The following CD209 variants were observed in gnomAD, a reference collection of about 807,000 sequenced individuals.
CD209 encodes the protein CD209 antigen.
In CD209, 31 loss-of-function variants were observed where a neutral mutation model predicts 44.7. That is an observed-to-expected ratio of 0.69 (90% CI 0.52 to 0.94). The LOEUF (loss-of-function observed/expected upper bound fraction) is 0.94. Among genes scored for constraint, CD209 ranks in the 40% least tolerant of loss-of-function variants. The pLI is 0.00. For synonymous variants in CD209, 173 were observed against 181.3 expected, an observed-to-expected ratio of 0.95 and a Z score of 0.37; for missense variants, 407 against 452.4, an observed-to-expected ratio of 0.90 and a Z score of 0.91.
In CD209 at chr19:7,746,000, C is replaced by T. The variant is rs1398850591; in HGVS notation, c.266G>A (p.Gly89Asp). ...CAGCTTGGATTTCTCTGAGAGCTCA[C>T]CCACTGCAGCTTTAAGCTGGGTCAG... ...QNLTQLKAAV[G>D]ELSEKSKLQE... The change falls in exon 4 of 7, where the codon GGT becomes GAT. Residue 89 changes from glycine to aspartate, a missense_variant. By Grantham distance (94) the Gly-to-Asp change is moderately conservative (BLOSUM62 -1). This residue lies in a region of CD209 where 122 missense variants were observed against 110.3 expected (regional missense o/e 1.11). Transcript: ENST00000315599. 8 of 1,614,270 alleles carry T rather than the reference C, an allele frequency of 5.0e-6. No homozygotes were observed. Among genetic ancestry groups the T allele is most frequent in the Non-Finnish European group, 5.9e-6 (7 of 1,180,054 alleles).
chr19:7,743,368 T>C, intron 6 of CD209, 128 bp from the exon 7 acceptor site: 1 of 801,490 alleles, frequency 1.2e-6, no homozygotes, highest in South Asian at 1.5e-5. Context: ...TCCCTCTGCA[T>C]ACCTGATAAT....
At chr19:7,747,195 TA>T in intron 2 of CD209, 110 bp downstream of exon 2, 1 of 1,116,806 alleles carries the variant, frequency 9.0e-7, no homozygotes, top group Non-Finnish European at 1.3e-6. Flanking sequence ...TCCAGGCCCC[TA>T]GCCCCACATC....
Position 7,740,180 on chromosome 19 carries a change from A to G in CD209, c.*2859T>C, listed in dbSNP as rs1272531862. 3 of 273,048 alleles carry G rather than the reference A, an allele frequency of 1.1e-5. No homozygotes were observed. Among genetic ancestry groups the G allele is most frequent in the Non-Finnish European group, 2.1e-5 (3 of 143,726 alleles). The allele number at this position is 273,048 out of a possible 1,614,324, so 16.9% of individuals were successfully genotyped here. A position where few individuals can be genotyped will look rare whatever the true frequency, so the allele number is the denominator to read the frequency against. ...TCTGACTGGATCACGCCAGGGCTCA[A>G]TCTGATTGGATCAAGGATCATGCCA... On this transcript the variant is annotated 3_prime_UTR_variant, in exon 7 of 7. Transcript: ENST00000315599.
chr19:7,742,160 A>G lies in CD209; in HGVS notation c.*879T>C, dbSNP rs1317248810. ...ATCCCAATAAACCTGTTTTATTCTT[A>G]CAAAAAATAATAGGCCAGGCGCGGT... On this transcript the variant is annotated 3_prime_UTR_variant, in exon 7 of 7. Coordinates refer to ENST00000315599, the MANE Select transcript of CD209 (RefSeq NM_021155.4). 2 of 197,652 alleles carry G rather than the reference A, an allele frequency of 1.0e-5. No homozygotes were observed. The highest frequency in any genetic ancestry group is 5.4e-5 in the Admixed American group (1 of 18,628). The allele number at this position is 197,652 out of a possible 1,614,324, so 12.2% of individuals were successfully genotyped here. A position where few individuals can be genotyped will look rare whatever the true frequency, so the allele number is the denominator to read the frequency against.
chr19:7,745,136 C>T (rs1198567798), intron 4 of CD209, 44 bp from the exon 5 acceptor site: 1 of 1,610,358 alleles, frequency 6.2e-7, no homozygotes, highest in African/African-American at 1.3e-5. Flanking sequence ...ATTAGGTTGT[C>T]CATATTCCTG....
chr19:7,746,242 G>A (rs897647805), intron 3 of CD209, 155 bp from the exon 4 acceptor site: 2 of 1,233,964 alleles, frequency 1.6e-6, no homozygotes, highest in Non-Finnish European at 2.2e-6. Flanking sequence ...AGGCAGCACA[G>A]AAGGCCAAGG....
rs1434561632 is a variant in CD209, at chr19:7,743,070, G to T, written c.1184C>A (p.Ala395Asp). The change falls in exon 7 of 7, where the codon GCC becomes GAC. Residue 395 changes from alanine to aspartate, a missense_variant. Around this residue, in one of 3 missense-constraint regions of CD209, gnomAD observed 200 missense variants for 202.2 expected, o/e 0.99. Coordinates refer to ENST00000315599, the MANE Select transcript of CD209 (RefSeq NM_021155.4). ...SRDEEQFLSPAPATPNPPPA is the reference protein window; with the variant it reads ...SRDEEQFLSPDPATPNPPPA ...AGGAGGGGGGTTTGGGGTGGCAGGGGCTGGAGAAAGAAACTGTTCTTCATC... is the reference window on the plus strand; with the variant it reads ...AGGAGGGGGGTTTGGGGTGGCAGGGTCTGGAGAAAGAAACTGTTCTTCATC... 50 of 1,613,660 alleles carry T rather than the reference G, an allele frequency of 3.1e-5. No homozygotes were observed. The highest frequency in any genetic ancestry group is 3.6e-5 in the Non-Finnish European group (43 of 1,179,806).
intron 6 of CD209, 89 bp from the exon 7 acceptor site, chr19:7,743,329 C>T (rs1255095875): frequency 1.1e-5 from 13 of 1,133,132 alleles, no homozygotes; most frequent in Non-Finnish European, 1.7e-5. Flanking sequence ...GCCTTAACAT[C>T]TGCCCTGCGT....
Position 7,741,155 on chromosome 19 carries a change from A to G in CD209, c.*1884T>C. The G allele has an allele frequency of 9.5e-7, 1 of 1,049,212 alleles. No homozygotes were observed. Among genetic ancestry groups the G allele is most frequent in the Non-Finnish European group, 1.4e-6 (1 of 719,820 alleles). 65.0% of individuals were successfully genotyped at this position (1,049,212 alleles called of 1,614,324 possible). A position where few individuals can be genotyped will look rare whatever the true frequency, so the allele number is the denominator to read the frequency against. ...TACCAACAGTTCCTAGATTTCTGTG[A>G]GGATGTGCTGCCCGAGTTCAAGAAC... On this transcript the variant is annotated 3_prime_UTR_variant, in exon 7 of 7. Transcript: ENST00000315599.
At chr19:7,743,454 T>G (rs114437818) in intron 6 of CD209, among the ~76,000 whole-genome samples, 5,515 of 151,640 alleles carry the variant, frequency 0.036, 261 homozygotes, top group African/African-American at 0.11. Flanking sequence ...ACCTATTGAG[T>G]GTGTGATTTT....
At chr19:7,747,163 C>A (rs2033866311) in intron 2 of CD209, 143 bp downstream of exon 2, 1 of 830,446 alleles carries the variant, frequency 1.2e-6, no homozygotes, top group Admixed American at 2.3e-5. Flanking sequence ...GCCCCAAACT[C>A]AACCTCCTCA....
intron 4 of CD209, 39 bp from the exon 5 acceptor site, chr19:7,745,131 G>A: frequency 3.1e-6 from 5 of 1,612,158 alleles, no homozygotes; most frequent in Non-Finnish European, 2.5e-6. Context: ...CTTAGATTAG[G>A]TTGTCCATAT....
intron 2 of CD209, 96 bp downstream of exon 2, chr19:7,747,210 A>C: frequency 7.8e-7 from 1 of 1,278,934 alleles, no homozygotes; most frequent in Admixed American, 1.8e-5. Context: ...CCACATCCCC[A>C]GGACCCAAGA....
Position 7,742,379 on chromosome 19 carries a change from C to T in CD209, c.*660G>A, listed in dbSNP as rs2033644340. ...GGCTGAGGCAGGAGAATCACTTGAA[C>T]CCGGGAGGCAGAGGTTGCAGTGAGC... On this transcript the variant is annotated 3_prime_UTR_variant, in exon 7 of 7. Coordinates refer to ENST00000315599, the MANE Select transcript of CD209 (RefSeq NM_021155.4). The T allele has an allele frequency of 6.6e-6, 1 of 152,644 alleles. No homozygotes were observed. Among genetic ancestry groups the T allele is most frequent in the East Asian group, 1.9e-4 (1 of 5,186 alleles). 9.5% of individuals were successfully genotyped at this position (152,644 alleles called of 1,614,324 possible). A position where few individuals can be genotyped will look rare whatever the true frequency, so the allele number is the denominator to read the frequency against.
At position 7,740,624 on chromosome 19, in the gene CD209, A is replaced by G; in HGVS notation, c.*2415T>C. The G allele has an allele frequency of 6.3e-6, 5 of 793,264 alleles. No individual in the cohort carries two copies. Among genetic ancestry groups the G allele is most frequent in the Non-Finnish European group, 1.2e-5 (5 of 432,726 alleles). 49.1% of individuals were successfully genotyped at this position (793,264 alleles called of 1,614,324 possible). On this transcript the variant is annotated 3_prime_UTR_variant, in exon 7 of 7. Transcript: ENST00000315599. ...ACACTTTTATTGAAAAACAACAACT[A>G]GAAAAGCTATGGGGAAGAGAGAGGC...
At chr19:7,746,213 G>C in intron 3 of CD209, 126 bp from the exon 4 acceptor site, 2 of 1,392,512 alleles carry the variant, frequency 1.4e-6, no homozygotes, top group Non-Finnish European at 1.9e-6. Context: ...TGAAGATGAA[G>C]AAAACTGACA....
intron 6 of CD209, among the ~76,000 whole-genome samples, chr19:7,743,700 T>TC (rs912757719): frequency 6.6e-6 from 1 of 151,638 alleles, no homozygotes; most frequent in African/African-American, 2.4e-5. Context: ...TGGCCCACAG[T>TC]CCCCCCTCCC....
Position 7,741,318 on chromosome 19 carries a change from G to T in CD209, c.*1721C>A. The T allele has an allele frequency of 2.6e-6, 1 of 380,100 alleles. No individual in the cohort carries two copies. Among genetic ancestry groups the T allele is most frequent in the East Asian group, 5.6e-5 (1 of 17,704 alleles). The allele number at this position is 380,100 out of a possible 1,614,324, so 23.5% of individuals were successfully genotyped here. A position where few individuals can be genotyped will look rare whatever the true frequency, so the allele number is the denominator to read the frequency against. ...AACCCCGTCTCTACCAAAAATACAA[G>T]AATTAGCTGGGCGCAGTGGTGCACG... On this transcript the variant is annotated 3_prime_UTR_variant, in exon 7 of 7. Transcript: ENST00000315599.
At position 7,743,256 on chromosome 19, in the gene CD209, G is replaced by A. The variant is rs368971770; in HGVS notation, c.1014-16C>T. ...CTGCTTGAAGCTGCAAAGCCCATGC[G>A]GAATGTGAGCCTCTGTCCCCGCCAG... is the stretch of plus-strand genomic sequence containing the variant. On this transcript the variant is annotated splice_polypyrimidine_tract_variant and intron_variant, in intron 6 of 6. Transcript: ENST00000315599. 4.8e-5 allele frequency: 77 copies of A among 1,609,060 alleles called. No homozygotes were observed. The highest frequency in any genetic ancestry group is 5.7e-5 in the Non-Finnish European group (67 of 1,175,508).
Sources: gnomAD v4.1 joint callset for allele counts (sites outside exome capture counted in the v4.1 genomes callset) on GRCh38, gnomAD v4.1.1 for gene constraint, gnomAD v4.1.1 regional missense constraint, MANE v1.5 for transcripts, NCBI Gene and HGNC (gene_info 2026-07-23, HGNC 2026-07-21) for gene names.